CYRIA: variants seen among roughly 807,000 people sequenced by gnomAD.
The protein encoded by CYRIA is CYFIP related Rac1 interactor A.
CYRIA carries 15 observed loss-of-function variants against 43.9 expected under a neutral mutation model. The ratio of observed to expected loss-of-function variants is 0.34; its 90% CI spans 0.23 to 0.53. The LOEUF is 0.53. Among genes scored for constraint, CYRIA ranks in the 20% least tolerant of loss-of-function variants. The pLI, the probability that CYRIA is intolerant of heterozygous loss-of-function variation, is 0.94. For missense variants in CYRIA, 236 were observed against 394.2 expected, an observed-to-expected ratio of 0.60 and a Z score of 3.40; for synonymous variants, 117 against 136.0, an observed-to-expected ratio of 0.86 and a Z score of 0.97.
rs563152673 is a variant in CYRIA at position 16,602,102 on chromosome 2, A to T, written c.-10-13973T>A. Among the ~76,000 whole-genome samples the T allele has an allele frequency of 4.6e-5, 7 of 152,370 alleles. No homozygotes were observed. In the South Asian group the frequency reaches 1.2e-3, roughly 27 times the overall value. On this transcript the variant is annotated intron_variant, in intron 2 of 11. Coordinates refer to ENST00000381323, the MANE Select transcript of CYRIA (RefSeq NM_030797.4). ...CTACTTTTTATCAATAATGAACAGA[A>T]GGTGAGAAAACAAATCAATACAACA...
At position 16,551,544 on chromosome 2, in the gene CYRIA, T is replaced by G. The variant is rs1666311020; in HGVS notation, c.*1392A>C. 1 of 152,170 alleles carries G rather than the reference T, an allele frequency of 6.6e-6. No homozygotes were observed. The highest frequency in any genetic ancestry group is 1.5e-5 in the Non-Finnish European group (1 of 68,034). 9.4% of individuals were successfully genotyped at this position (152,170 alleles called of 1,614,324 possible). ...GGAGCCATCCTGTATGACCACATCCTCTGGGTTTCATTTTTCCTTAGGAGG... is the reference window on the plus strand; with the variant it reads ...GGAGCCATCCTGTATGACCACATCCGCTGGGTTTCATTTTTCCTTAGGAGG... On this transcript the variant is annotated 3_prime_UTR_variant, in exon 12 of 12. Transcript: ENST00000381323.
chr2:16,604,665 C>T lies in CYRIA; in HGVS notation c.-10-16536G>A, dbSNP rs149878767. On this transcript the variant is annotated intron_variant, in intron 2 of 11. Transcript: ENST00000381323. ...TACATTTCTTAAATGATATAAGCAG[C>T]TGTTTTTCTGGGGAAAAATATGCAC... Among the ~76,000 whole-genome samples the T allele has an allele frequency of 5.5e-3, 833 of 152,322 alleles. 14 individuals are homozygous for T. The highest frequency in any genetic ancestry group is 0.018 in the African/African-American group (759 of 41,560).
At chr2:16,621,153 G>A (rs1258677403) in intron 2 of CYRIA, among the ~76,000 whole-genome samples, 1 of 152,144 alleles carries the variant, frequency 6.6e-6, no homozygotes, top group Non-Finnish European at 1.5e-5. Context: ...ACATAGAAGA[G>A]GCACTCATAT....
At position 16,613,672 on chromosome 2, in the gene CYRIA, C is replaced by T. The variant is rs1266161057; in HGVS notation, c.-11+10192G>A. Reference sequence around the variant, plus strand: ...CATTATCATCTCACATTAAAAATACCAGACCTGGTCAGGTAGGTACCGAAC... The same window carrying T: ...CATTATCATCTCACATTAAAAATACTAGACCTGGTCAGGTAGGTACCGAAC... On this transcript the variant is annotated intron_variant, in intron 2 of 11. Coordinates refer to ENST00000381323, the MANE Select transcript of CYRIA (RefSeq NM_030797.4). Among the ~76,000 whole-genome samples, 4 of 152,256 alleles carry T rather than the reference C, an allele frequency of 2.6e-5. No homozygotes were observed. In the East Asian group the frequency reaches 7.7e-4, roughly 29 times the overall value.
intron 2 of CYRIA, among the ~76,000 whole-genome samples, chr2:16,590,495 A>T (rs1262805406): frequency 2.0e-5 from 3 of 152,154 alleles, no homozygotes; most frequent in East Asian, 3.9e-4. Context: ...ACTTGCATGG[A>T]TTGGGCTTCC....
rs553039948 is a variant in CYRIA at position 16,574,055 on chromosome 2, A to G, written c.71-8288T>C. Among the ~76,000 whole-genome samples the G allele has an allele frequency of 1.8e-3, 273 of 152,356 alleles. 1 individual carries two copies. Among genetic ancestry groups the G allele is most frequent in the African/African-American group, 6.4e-3 (266 of 41,584 alleles). ...AGAACTCCCTAGAGACTTGCTGAAT[A>G]GCTTTGACCAAAATGCTGATAATGA... On this transcript the variant is annotated intron_variant, in intron 3 of 11. Transcript: ENST00000381323.
intron 1 of CYRIA, among the ~76,000 whole-genome samples, chr2:16,665,447 G>C (rs1487870806): frequency 6.6e-6 from 1 of 151,890 alleles, no homozygotes; most frequent in Non-Finnish European, 1.5e-5. Context: ...TGCAAGAATG[G>C]AGCTTATGAT....
At chr2:16,560,912 A>G (rs1366738286) in intron 9 of CYRIA, 78 bp downstream of exon 9, 18 of 1,265,968 alleles carry the variant, frequency 1.4e-5, no homozygotes, top group Middle Eastern at 1.9e-4. Flanking sequence ...CAAATGTTAC[A>G]TATCATTAAC....
chr2:16,600,928 CTG>C (rs1477594821), intron 2 of CYRIA, among the ~76,000 whole-genome samples: 1 of 152,192 alleles, frequency 6.6e-6, no homozygotes, highest in Non-Finnish European at 1.5e-5. Flanking sequence ...CATTGAAACT[CTG>C]TGAATCTGAA....
At chr2:16,645,588 G>A (rs1268556814) in intron 1 of CYRIA, among the ~76,000 whole-genome samples, 3 of 152,186 alleles carry the variant, frequency 2.0e-5, no homozygotes, top group African/African-American at 7.2e-5. Context: ...TCACGTCATT[G>A]GAAAAGGAGA....
chr2:16,579,094 A>G (rs1667455085), intron 3 of CYRIA, among the ~76,000 whole-genome samples: 1 of 152,054 alleles, frequency 6.6e-6, no homozygotes, highest in Non-Finnish European at 1.5e-5. Context: ...GCCAGAAGAC[A>G]ATGGGATCAC....
At chr2:16,568,927 T>G (rs1667038224) in intron 3 of CYRIA, among the ~76,000 whole-genome samples, 1 of 152,148 alleles carries the variant, frequency 6.6e-6, no homozygotes, top group Non-Finnish European at 1.5e-5. Context: ...GCTGGAAATT[T>G]TTTTTAAAAA....
intron 1 of CYRIA, among the ~76,000 whole-genome samples, chr2:16,658,808 AG>A (rs749520593): frequency 2.0e-5 from 3 of 151,946 alleles, no homozygotes; most frequent in Admixed American, 1.3e-4. Context: ...GGAATAGAGG[AG>A]AAAGAGCAGG....
At chr2:16,602,703 G>T (rs1311858323) in intron 2 of CYRIA, among the ~76,000 whole-genome samples, 2 of 152,064 alleles carry the variant, frequency 1.3e-5, no homozygotes, top group Admixed American at 1.3e-4. Flanking sequence ...AAAAGAATGG[G>T]TCCAAGAATC....
At chr2:16,640,994 A>T (rs1246083599) in intron 1 of CYRIA, among the ~76,000 whole-genome samples, 3 of 151,974 alleles carry the variant, frequency 2.0e-5, no homozygotes, top group African/African-American at 7.3e-5. Flanking sequence ...AGGGACCCAG[A>T]TCCACACCAT....
chr2:16,603,761 C>G (rs139731370), intron 2 of CYRIA, among the ~76,000 whole-genome samples: 2 of 152,334 alleles, frequency 1.3e-5, no homozygotes, highest in Non-Finnish European at 2.9e-5. Context: ...AAGGACAGGA[C>G]TAGCATGTAG....
chr2:16,621,305 T>A (rs1668986246), intron 2 of CYRIA, among the ~76,000 whole-genome samples: 1 of 152,224 alleles, frequency 6.6e-6, no homozygotes, highest in South Asian at 2.1e-4. Flanking sequence ...AAATTGACTC[T>A]ATGATGATCA....
intron 1 of CYRIA, among the ~76,000 whole-genome samples, chr2:16,632,924 C>T (rs1488069243): frequency 6.6e-6 from 1 of 152,162 alleles, no homozygotes; most frequent in Non-Finnish European, 1.5e-5. Context: ...GGGATTCTGC[C>T]TTCCCCAATA....
chr2:16,615,222 G>A (rs1002208258), intron 2 of CYRIA, among the ~76,000 whole-genome samples: 15 of 152,122 alleles, frequency 9.9e-5, no homozygotes, highest in African/African-American at 3.6e-4. Context: ...TGTTTTAATC[G>A]AATCCTCAGT....
Sources: allele counts gnomAD v4.1 joint callset (sites outside exome capture counted in the v4.1 genomes callset), GRCh38; gene constraint gnomAD v4.1.1; transcripts MANE v1.5; gene names NCBI Gene and HGNC (gene_info 2026-07-23, HGNC 2026-07-21).